ZMYM4: variants seen among roughly 807,000 people sequenced by gnomAD.
The protein encoded by ZMYM4 is zinc finger MYM-type protein 4.
ZMYM4 carries 31 observed loss-of-function variants against 183.2 expected under a neutral mutation model. The observed-to-expected ratio is 0.17, with a 90% confidence interval of 0.13 to 0.23. The LOEUF (loss-of-function observed/expected upper bound fraction) is 0.23, where lower values mean the gene tolerates loss of function less well. ZMYM4 is among the 10% of genes least tolerant of loss of function. The pLI is 1.00. For missense variants in ZMYM4, 1,273 were observed against 1,840.3 expected (o/e 0.69, Z 5.64); for synonymous variants, 592 against 631.2 (o/e 0.94, Z 0.93).
chr1:35,325,445 A>G (rs2148820967), intron 2 of ZMYM4, 40 bp downstream of exon 2: 1 of 1,578,388 alleles, frequency 6.3e-7, no homozygotes, highest in South Asian at 1.2e-5. Flanking sequence ...GTCTTTAGAT[A>G]GAAAATGAAT....
intron 7 of ZMYM4, among the ~76,000 whole-genome samples, chr1:35,371,062 AGTGTGTGTGTGTGTGTGTGTGTGTGT>A (rs67591506): frequency 7.9e-6 from 1 of 126,084 alleles, no homozygotes; most frequent in East Asian, 2.2e-4. Flanking sequence ...AATGGCTTCC[AGTGTGTGTGTGTGTGTGTGTGTGTGT>A]GTGTGTGTGT....
At chr1:35,380,830 A>G (rs1380541158) in intron 7 of ZMYM4, among the ~76,000 whole-genome samples, 1 of 152,210 alleles carries the variant, frequency 6.6e-6, no homozygotes, top group East Asian at 1.9e-4. Context: ...TAGAATATGC[A>G]CTGTGTAGTG....
At chr1:35,273,313 ATAT>A (rs1639710073) in intron 1 of ZMYM4, among the ~76,000 whole-genome samples, 1 of 152,182 alleles carries the variant, frequency 6.6e-6, no homozygotes, top group African/African-American at 2.4e-5. Flanking sequence ...TAAAGTTGGC[ATAT>A]TATTTAATTT....
intron 1 of ZMYM4, among the ~76,000 whole-genome samples, chr1:35,301,978 A>T (rs941808417): frequency 1.3e-5 from 2 of 152,150 alleles, no homozygotes; most frequent in African/African-American, 4.8e-5. Flanking sequence ...AATGCCTGAA[A>T]AATTTACTTC....
intron 18 of ZMYM4, among the ~76,000 whole-genome samples, chr1:35,395,390 G>A (rs1644791300): frequency 6.6e-6 from 1 of 151,764 alleles, no homozygotes; most frequent in African/African-American, 2.4e-5. Context: ...GAGCCCAGGA[G>A]TTCAAGACCA....
intron 9 of ZMYM4, 150 bp from the exon 10 acceptor site, chr1:35,385,292 C>G: frequency 1.2e-6 from 1 of 823,228 alleles, no homozygotes. Flanking sequence ...TACATGTGTA[C>G]CATGAAACTT....
chr1:35,385,370 A>G (rs973851038), intron 9 of ZMYM4, 72 bp from the exon 10 acceptor site: 7 of 1,468,398 alleles, frequency 4.8e-6, no homozygotes, highest in African/African-American at 4.3e-5. Context: ...AGTGTTGAGT[A>G]TAAACATTTC....
intron 5 of ZMYM4, among the ~76,000 whole-genome samples, chr1:35,362,481 T>C (rs1643960969): frequency 6.6e-6 from 1 of 152,228 alleles, no homozygotes; most frequent in Admixed American, 6.5e-5. Flanking sequence ...GATGCTGCAA[T>C]CATTTTGAAG....
At chr1:35,398,230 G>C (rs1417342084) in intron 20 of ZMYM4, among the ~76,000 whole-genome samples, 183 bp from the exon 21 acceptor site, 2 of 152,114 alleles carry the variant, frequency 1.3e-5, no homozygotes, top group African/African-American at 2.4e-5. Context: ...ATTAACAGTG[G>C]TAATCTGTTT....
intron 4 of ZMYM4, 86 bp from the exon 5 acceptor site, chr1:35,361,533 C>T: frequency 4.2e-6 from 6 of 1,442,776 alleles, no homozygotes; most frequent in Non-Finnish European, 5.6e-6. Context: ...TTCTTCATTT[C>T]CAATGAGCTT....
intron 1 of ZMYM4, among the ~76,000 whole-genome samples, chr1:35,271,939 G>A (rs190193989): frequency 6.6e-6 from 1 of 151,984 alleles, no homozygotes; most frequent in East Asian, 1.9e-4. Flanking sequence ...CTCCAGCCTG[G>A]GTGACAGAGG....
intron 2 of ZMYM4, among the ~76,000 whole-genome samples, chr1:35,344,097 A>T (rs1416778737): frequency 1.3e-5 from 2 of 149,452 alleles, no homozygotes; most frequent in African/African-American, 4.9e-5. Context: ...TCTGTTGCCC[A>T]GGCTGGAGTG....
At position 35,420,476 on chromosome 1, in the gene ZMYM4, C is replaced by T. The variant is rs1232715614; in HGVS notation, c.*799C>T. The T allele has an allele frequency of 6.6e-6, 1 of 152,480 alleles. No individual in the cohort carries two copies. The highest frequency in any genetic ancestry group is 1.9e-4 in the East Asian group (1 of 5,194). The allele number at this position is 152,480 out of a possible 1,614,324, so 9.4% of individuals were successfully genotyped here. A position where few individuals can be genotyped will look rare whatever the true frequency, so the allele number is the denominator to read the frequency against. ...TGTTTGTAGAAACCCACTAAAATGC[C>T]CCTTCTCTGGGTGTGGGCCCTTATT... is the stretch of plus-strand genomic sequence containing the variant. On this transcript the variant is annotated 3_prime_UTR_variant, in exon 30 of 30. Transcript: ENST00000314607.
At chr1:35,368,954 C>G (rs4325102) in intron 5 of ZMYM4, among the ~76,000 whole-genome samples, 6 of 152,246 alleles carry the variant, frequency 3.9e-5, no homozygotes, top group African/African-American at 1.4e-4. Context: ...AAAATATTAT[C>G]TTCATTACTG....
intron 1 of ZMYM4, among the ~76,000 whole-genome samples, chr1:35,312,655 CTTCT>C (rs1394070353): frequency 1.3e-5 from 2 of 148,834 alleles, no homozygotes; most frequent in African/African-American, 2.5e-5. Context: ...TTTTTCTTTC[CTTCT>C]TTCTTTCTCT....
chr1:35,409,230 C>T (rs992163249), intron 26 of ZMYM4, among the ~76,000 whole-genome samples: 1 of 152,212 alleles, frequency 6.6e-6, no homozygotes, highest in Non-Finnish European at 1.5e-5. Flanking sequence ...GAATACGCTG[C>T]TGTGAACATT....
intron 7 of ZMYM4, among the ~76,000 whole-genome samples, 187 bp from the exon 8 acceptor site, chr1:35,381,072 T>C (rs1336339986): frequency 6.6e-6 from 1 of 152,192 alleles, no homozygotes; most frequent in Non-Finnish European, 1.5e-5. Context: ...TTCCACTTCA[T>C]AGAAAATAAT....
intron 23 of ZMYM4, among the ~76,000 whole-genome samples, chr1:35,400,967 T>C (rs542472144): frequency 6.2e-4 from 95 of 152,336 alleles, no homozygotes; most frequent in African/African-American, 2.2e-3. Context: ...TATTTCTGAG[T>C]AGTATTTCAT....
chr1:35,283,499 G>A lies in ZMYM4; in HGVS notation c.39+14414G>A, dbSNP rs373454947. Reference sequence around the variant, plus strand: ...ACTACAGGCGCCCACCACCACACCCGGCCAATTTTTTTGTATTTTTAGTAG... The same window carrying A: ...ACTACAGGCGCCCACCACCACACCCAGCCAATTTTTTTGTATTTTTAGTAG... On this transcript the variant is annotated intron_variant, in intron 1 of 29. Transcript: ENST00000314607. Among the ~76,000 whole-genome samples the A allele has an allele frequency of 3.3e-5, 5 of 150,996 alleles. No individual in the cohort carries two copies. The South Asian group carries it at 6.3e-4, about 19-fold the overall frequency.
Sources: gnomAD v4.1 joint callset for allele counts (sites outside exome capture counted in the v4.1 genomes callset) on GRCh38, gnomAD v4.1.1 for gene constraint, MANE v1.5 for transcripts, NCBI Gene and HGNC (gene_info 2026-07-23, HGNC 2026-07-21) for gene names.